The following PHKB variants were observed in gnomAD, a reference collection of about 807,000 sequenced individuals.
The protein encoded by PHKB is phosphorylase b kinase regulatory subunit beta.
PHKB carries 122 observed loss-of-function variants against 152.1 expected under a neutral mutation model. That is an observed-to-expected ratio of 0.80 (90% CI 0.69 to 0.93). The LOEUF (loss-of-function observed/expected upper bound fraction) is 0.93. Among genes scored for constraint, PHKB ranks in the 40% least tolerant of loss-of-function variants. PHKB has a pLI of 0.00. For missense variants in PHKB, 1,304 were observed against 1,328.4 expected (o/e 0.98, Z 0.29); for synonymous variants, 436 against 464.9 (o/e 0.94, Z 0.80).
chr16:47,638,855 G>C (rs1972966911), intron 14 of PHKB, among the ~76,000 whole-genome samples: 1 of 152,200 alleles, frequency 6.6e-6, no homozygotes, highest in South Asian at 2.1e-4. Flanking sequence ...ACGTGTGTGT[G>C]TGTGTTTGTC....
chr16:47,651,645 T>C (rs1242715408), intron 20 of PHKB, among the ~76,000 whole-genome samples: 1 of 152,224 alleles, frequency 6.6e-6, no homozygotes, highest in Non-Finnish European at 1.5e-5. Context: ...TATAGGCTTA[T>C]ATACTTTATT....
At chr16:47,544,645 T>C (rs183802879) in intron 6 of PHKB, among the ~76,000 whole-genome samples, 2 of 152,358 alleles carry the variant, frequency 1.3e-5, no homozygotes, top group African/African-American at 4.8e-5. Flanking sequence ...GATATCCTTG[T>C]TACCCTTCTG....
intron 6 of PHKB, among the ~76,000 whole-genome samples, chr16:47,539,823 C>A (rs1971020064): frequency 6.6e-6 from 1 of 152,066 alleles, no homozygotes; most frequent in Non-Finnish European, 1.5e-5. Flanking sequence ...TCTTTGTAAG[C>A]TGAGGACGTA....
At chr16:47,604,162 A>AT (rs753167664) in intron 13 of PHKB, among the ~76,000 whole-genome samples, 6 of 151,856 alleles carry the variant, frequency 4.0e-5, no homozygotes, top group East Asian at 1.9e-4. Flanking sequence ...TTGTCTAGTA[A>AT]TTTTTTTTGC....
chr16:47,582,996 C>G (rs1203666175), intron 8 of PHKB, among the ~76,000 whole-genome samples: 1 of 152,128 alleles, frequency 6.6e-6, no homozygotes, highest in Non-Finnish European at 1.5e-5. Context: ...GGGGTTTCAC[C>G]ACGTTGGCCA....
In PHKB at chr16:47,664,898, T is replaced by C; in HGVS notation, c.2350T>C (p.Tyr784His). 1 of 1,613,386 alleles carries C rather than the reference T, an allele frequency of 6.2e-7. No individual in the cohort carries two copies. The highest frequency in any genetic ancestry group is 8.5e-7 in the Non-Finnish European group (1 of 1,179,446). The change falls in exon 25 of 31, where the codon TAC becomes CAC. Residue 784 changes from tyrosine to histidine, a missense_variant. By Grantham distance (83) the Tyr-to-His change is moderately conservative. Transcript: ENST00000323584. ...GSQKLWLAVR[Y>H]GAAFTQKFSS... is the part of the protein sequence containing the mutation. ...TGACACACCCAGGTTGGCGGTGCGC[T>C]ACGGGGCTGCATTTACCCAGAAATT...
At chr16:47,641,356 A>G (rs1253546808) in intron 15 of PHKB, among the ~76,000 whole-genome samples, 1 of 152,192 alleles carries the variant, frequency 6.6e-6, no homozygotes, top group Non-Finnish European at 1.5e-5. Context: ...AATTCATGCA[A>G]ACACATGGGG....
chr16:47,591,578 C>T (rs1263646108), intron 10 of PHKB, among the ~76,000 whole-genome samples: 1 of 152,066 alleles, frequency 6.6e-6, no homozygotes, highest in Admixed American at 6.6e-5. Context: ...CTCTTCTGCC[C>T]CCTCTTAAAC....
intron 1 of PHKB, among the ~76,000 whole-genome samples, chr16:47,464,472 C>T (rs1288527670): frequency 1.3e-5 from 2 of 152,092 alleles, no homozygotes; most frequent in East Asian, 1.9e-4. Flanking sequence ...TGTGCTTTGG[C>T]CTTTATCCTG....
chr16:47,583,280 A>G (rs1971880325), intron 8 of PHKB, among the ~76,000 whole-genome samples: 1 of 152,356 alleles, frequency 6.6e-6, no homozygotes, highest in African/African-American at 2.4e-5. Context: ...TACAGCAGTT[A>G]AATTAATAAT....
intron 13 of PHKB, among the ~76,000 whole-genome samples, chr16:47,606,590 C>G (rs1972328838): frequency 6.6e-6 from 1 of 152,162 alleles, no homozygotes; most frequent in Non-Finnish European, 1.5e-5. Context: ...CATGTGTGAG[C>G]ATAACTAAGA....
intron 8 of PHKB, among the ~76,000 whole-genome samples, chr16:47,581,971 T>G (rs1971855562): frequency 6.6e-6 from 1 of 152,130 alleles, no homozygotes; most frequent in African/African-American, 2.4e-5. Flanking sequence ...TGAGCCACTA[T>G]GCGCGGCCGA....
chr16:47,502,526 A>G (rs1476350033), intron 3 of PHKB, among the ~76,000 whole-genome samples: 1 of 152,196 alleles, frequency 6.6e-6, no homozygotes, highest in African/African-American at 2.4e-5. Context: ...GCCTGCTCTG[A>G]TGGTATTGAA....
intron 1 of PHKB, among the ~76,000 whole-genome samples, chr16:47,489,936 G>A (rs944755740): frequency 6.6e-6 from 1 of 152,112 alleles, no homozygotes; most frequent in Non-Finnish European, 1.5e-5. Flanking sequence ...AGGTTCATGA[G>A]GAATCAGGCA....
intron 16 of PHKB, among the ~76,000 whole-genome samples, chr16:47,648,174 A>G (rs1449564247): frequency 2.0e-5 from 3 of 152,206 alleles, no homozygotes; most frequent in South Asian, 4.1e-4. Context: ...GTAGGAGATT[A>G]TGGCCCTCGT....
intron 18 of PHKB, 106 bp from the exon 19 acceptor site, chr16:47,650,438 C>T: frequency 1.3e-6 from 1 of 741,326 alleles, no homozygotes; most frequent in Admixed American, 1.9e-5. Context: ...GGATTGTGAA[C>T]TGTCTTGCTA....
intron 1 of PHKB, among the ~76,000 whole-genome samples, chr16:47,496,823 G>A (rs1265485412): frequency 1.3e-5 from 2 of 152,202 alleles, no homozygotes; most frequent in African/African-American, 4.8e-5. Context: ...AAGTAGAAAT[G>A]ATCTGCTTAT....
chr16:47,671,035 T>C (rs2142081319), intron 26 of PHKB, among the ~76,000 whole-genome samples: 1 of 152,322 alleles, frequency 6.6e-6, no homozygotes, highest in South Asian at 2.1e-4. Flanking sequence ...CAGTACCCTG[T>C]CAGTTTTGAA....
rs559999070 is a variant in PHKB at position 47,503,893 on chromosome 16, T to G, written c.405+803T>G. Among the ~76,000 whole-genome samples the G allele has an allele frequency of 2.0e-5, 3 of 152,256 alleles. No individual in the cohort carries two copies. In the South Asian group the frequency reaches 6.2e-4, roughly 32 times the overall value. ...TATGTGGAAATTAAAGAAAATAATG[T>G]ACATAACAACATTTAAAAAACTATA... is the stretch of plus-strand genomic sequence containing the variant. On this transcript the variant is annotated intron_variant, in intron 4 of 30. Coordinates refer to ENST00000323584, the MANE Select transcript of PHKB (RefSeq NM_000293.3).
Sources: allele counts gnomAD v4.1 joint callset (sites outside exome capture counted in the v4.1 genomes callset), GRCh38; gene constraint gnomAD v4.1.1; transcripts MANE v1.5; gene names NCBI Gene and HGNC (gene_info 2026-07-23, HGNC 2026-07-21).